Variants in PKD1 observed in about 807,000 individuals in gnomAD.
PKD1 encodes polycystin-1.
In PKD1, 81 loss-of-function variants were observed where a neutral mutation model predicts 361.7. The observed-to-expected ratio is 0.22, with a 90% CI of 0.19 to 0.27. The LOEUF is 0.27. Among genes scored for constraint, PKD1 ranks in the 10% least tolerant of loss-of-function variants. The pLI, the probability that PKD1 is intolerant of heterozygous loss-of-function variation, is 1.00. For missense variants in PKD1, 6,399 were observed against 6,118.3 expected (o/e 1.05, Z -1.53); for synonymous variants, 3,615 against 2,818.3 (o/e 1.28, Z -8.95).
chr16:2,091,683 TGGAAGCCGCCTAGGCCAGCGGGGGCC>T, intron 41 of PKD1, 72 bp downstream of exon 41: 2 of 1,564,702 alleles, frequency 1.3e-6, no homozygotes, highest in East Asian at 4.6e-5. Context: ...TGAGGGGCTG[TGGAAGCCGCCTAGGCCAGCGGGGGCC>T]GGAGGAGTGA....
rs769317074 is a variant in PKD1, at chr16:2,089,892, G to A, written c.12747C>T (p.Arg4249=). The change falls in exon 46 of 46, where the codon CGC becomes CGT. Residue 4249 remains arginine (R), a synonymous_variant. Coordinates refer to ENST00000262304, the MANE Select transcript of PKD1 (RefSeq NM_001009944.3). ...LEQQLHSLQG[R]RSSRAPAGSS... is the part of the protein sequence containing the mutation. ...ATCCGGCGGGCGCCCGGCTGCTCCT[G>A]CGGCCTTGCAGGCTGTGCAGCTGCT... is the stretch of plus-strand genomic sequence containing the variant. The A allele has an allele frequency of 1.7e-5, 27 of 1,611,092 alleles. No homozygotes were observed. Among genetic ancestry groups the A allele is most frequent in the Admixed American group, 3.3e-5 (2 of 59,862 alleles).
Position 2,110,602 on chromosome 16 carries a change from T to C in PKD1, c.4565A>G (p.Asp1522Gly). The C allele has an allele frequency of 1.2e-6, 2 of 1,610,642 alleles. No individual in the cohort carries two copies. Among genetic ancestry groups the C allele is most frequent in the South Asian group, 1.1e-5 (1 of 90,988 alleles). The change falls in exon 15 of 46, where the codon GAC (aspartate) becomes GGC (glycine). Residue 1522 changes from aspartate to glycine, a missense_variant. By Grantham distance (94) the Asp-to-Gly change is moderately conservative. Coordinates refer to ENST00000262304, the MANE Select transcript of PKD1 (RefSeq NM_001009944.3). ...EVTHAYNSTG[D>G]FTVRVAGWNE... is the part of the protein sequence containing the mutation. ...CCAGCCGGCCACCCTAACGGTGAAG[T>C]CACCTGTGCTGTTGTAAGCGTGGGT...
chr16:2,107,460 C>T (rs2092381575), intron 16 of PKD1: 2 of 363,508 alleles, frequency 5.5e-6, no homozygotes, highest in South Asian at 4.7e-5. Context: ...GGGGCACCAG[C>T]AGGCCCCGCC....
chr16:2,090,055 T>C lies in PKD1; in HGVS notation c.12584A>G (p.Asp4195Gly). 6.2e-7 allele frequency: 1 copy of C among 1,611,252 alleles called. No individual in the cohort carries two copies. The highest frequency in any genetic ancestry group is 8.5e-7 in the Non-Finnish European group (1 of 1,179,068). ...SHPSTSSSQL[D>G]GLSVSLGRLG... ...CCGGCCCAGGCTCACGCTCAGCCCA[T>C]CCAGCTGGCTGGAGGAGGTGGAGGG... Residue 4195 changes from aspartate to glycine, a missense_variant, in exon 46 of 46, where the codon GAT becomes GGT. Transcript: ENST00000262304.
At chr16:2,119,829 G>T in intron 1 of PKD1, 1 of 697,976 alleles carries the variant, frequency 1.4e-6, no homozygotes, top group South Asian at 1.5e-5. Context: ...CCACAACCAG[G>T]TATGACTGTG....
chr16:2,116,065 G>A lies in PKD1; in HGVS notation c.1776C>T (p.Ala592=), dbSNP rs1180631944. ...RLSREAFLTT[A]EFGTQELRRP... ...GCCGGAGCTCCTGGGTCCCAAATTC[G>A]GCCGTGGTGAGGAAGGCTTCACGGC... The change falls in exon 9 of 46, where the codon GCC becomes GCT. Residue 592 remains alanine, a synonymous_variant. Coordinates refer to ENST00000262304, the MANE Select transcript of PKD1 (RefSeq NM_001009944.3). 16 of 1,529,052 alleles carry A rather than the reference G, an allele frequency of 1.0e-5. No homozygotes were observed. The highest frequency in any genetic ancestry group is 8.3e-5 in the South Asian group (7 of 84,062). The allele number at this position is 1,529,052 out of a possible 1,614,324, so 94.7% of individuals were successfully genotyped here.
At chr16:2,116,196 C>T in intron 8 of PKD1, 78 bp from the exon 9 acceptor site, 1 of 1,464,300 alleles carries the variant, frequency 6.8e-7, no homozygotes, top group South Asian at 1.2e-5. Flanking sequence ...CCGAACTTCC[C>T]AGGAAGAGGG....
At chr16:2,114,028 G>A in intron 11 of PKD1, 142 bp downstream of exon 11, 2 of 735,230 alleles carry the variant, frequency 2.7e-6, no homozygotes, top group Admixed American at 2.5e-5. Flanking sequence ...CGAGGAGCCA[G>A]CCAGCAGGAC....
Position 2,097,183 on chromosome 16 carries a change from T to C in PKD1, c.10464A>G (p.Gln3488=), listed in dbSNP as rs2091883255. 2 of 1,558,244 alleles carry C rather than the reference T, an allele frequency of 1.3e-6. No individual in the cohort carries two copies. Among genetic ancestry groups the C allele is most frequent in the Admixed American group, 1.9e-5 (1 of 51,878 alleles). ...GCAGGTCCGTTTCCATGTGGGTGTCTTGGGTAGGGGCTGGGCTGCTGACCC... is the reference window on the plus strand; with the variant it reads ...GCAGGTCCGTTTCCATGTGGGTGTCCTGGGTAGGGGCTGGGCTGCTGACCC... ...AEGVSSPAPT[Q]DTHMETDLLS... is the part of the protein sequence containing the mutation. The change falls in exon 34 of 46, where the codon CAA becomes CAG. Residue 3488 remains glutamine (Q), a synonymous_variant. Coordinates refer to ENST00000262304, the MANE Select transcript of PKD1 (RefSeq NM_001009944.3).
chr16:2,098,048 G>A (rs2091919337), intron 30 of PKD1, 64 bp from the exon 31 acceptor site: 3 of 825,260 alleles, frequency 3.6e-6, no homozygotes, highest in South Asian at 1.4e-5. Context: ...GGGATGAGAA[G>A]CCACCTCCTC....
chr16:2,101,268 G>C (rs1596517886), intron 26 of PKD1, among the ~76,000 whole-genome samples: 1 of 152,286 alleles, frequency 6.6e-6, no homozygotes, highest in Admixed American at 6.5e-5. Flanking sequence ...ACAGGTGTGA[G>C]CCACCGCGCC....
intron 1 of PKD1, among the ~76,000 whole-genome samples, chr16:2,133,877 G>A (rs974574278): frequency 2.0e-5 from 3 of 151,896 alleles, no homozygotes; most frequent in African/African-American, 4.8e-5. Flanking sequence ...ACACAAGGCA[G>A]GGGCGGGGGC....
chr16:2,093,388 G>A (rs2091690951), intron 37 of PKD1, 156 bp downstream of exon 37: 5 of 765,644 alleles, frequency 6.5e-6, no homozygotes, highest in Non-Finnish European at 1.0e-5. Flanking sequence ...TGGGGGGCGT[G>A]GGGTAGGAGG....
intron 34 of PKD1, 46 bp from the exon 35 acceptor site, chr16:2,094,256 C>T: frequency 8.4e-7 from 1 of 1,194,448 alleles, no homozygotes; most frequent in Non-Finnish European, 1.2e-6. Context: ...CTCCAGGAGG[C>T]AGTTGCAGCC....
At chr16:2,092,242 G>A (rs970498113) in intron 39 of PKD1, 54 bp from the exon 40 acceptor site, 1 of 1,533,322 alleles carries the variant, frequency 6.5e-7, no homozygotes, top group African/African-American at 1.4e-5. Context: ...AACCCAACAG[G>A]AGTGTTTCCT....
intron 37 of PKD1, 183 bp downstream of exon 37, chr16:2,093,361 G>C (rs566617655): frequency 1.3e-5 from 9 of 701,888 alleles, no homozygotes; most frequent in African/African-American, 1.8e-5. Flanking sequence ...GGCCCTGGCA[G>C]GGACTGGGGC....
In PKD1 at chr16:2,094,136, C is replaced by T. The variant is rs114523369; in HGVS notation, c.10574G>A (p.Gly3525Asp). Residue 3525 changes from glycine (G) to aspartate (D), a missense_variant, in exon 35 of 46, where the codon GGC (glycine) becomes GAC (aspartate). Transcript: ENST00000262304. ...RLGELGPPSP[G>D]LNWEQPQAAR... ...TGCCTGGGGCTGTTCCCAGTTCAGG[C>T]CTGGGCTGGGTGGCCCCAGCTCCCC... 2 of 1,597,094 alleles carry T rather than the reference C, an allele frequency of 1.3e-6. No individual in the cohort carries two copies. Among genetic ancestry groups the T allele is most frequent in the Non-Finnish European group, 8.5e-7 (1 of 1,172,016 alleles).
chr16:2,091,925 G>A lies in PKD1; in HGVS notation c.11412-19C>T, dbSNP rs774079655. 7 of 1,611,516 alleles carry A rather than the reference G, an allele frequency of 4.3e-6. No individual in the cohort carries two copies. Among genetic ancestry groups the A allele is most frequent in the Middle Eastern group, 1.7e-4 (1 of 6,060 alleles). On this transcript the variant is annotated intron_variant, in intron 40 of 45. Transcript: ENST00000262304. ...CCATGCCCTGCCGGAGAGGGGTGGCGTGGGTGCCGCACCCCAGCCCTTCCG... is the reference window on the plus strand; with the variant it reads ...CCATGCCCTGCCGGAGAGGGGTGGCATGGGTGCCGCACCCCAGCCCTTCCG...
At chr16:2,095,387 T>G (rs2091803968) in intron 34 of PKD1, 1 of 152,206 alleles carries the variant, frequency 6.6e-6, no homozygotes, top group Admixed American at 6.5e-5. Flanking sequence ...CACTCCAGTC[T>G]GGGCAACAGA....
Sources: gnomAD v4.1 joint callset for allele counts (sites outside exome capture counted in the v4.1 genomes callset) on GRCh38, gnomAD v4.1.1 for gene constraint, MANE v1.5 for transcripts, NCBI Gene and HGNC (gene_info 2026-07-23, HGNC 2026-07-21) for gene names.